Variants in SLC25A29 observed in about 807,000 individuals in gnomAD.
SLC25A29 encodes the protein mitochondrial basic amino acids transporter.
A neutral mutation model predicts 10.0 loss-of-function variants in SLC25A29; 13 were observed. The ratio of observed to expected loss-of-function variants is 1.30; its 90% CI spans 0.85 to 2.07. SLC25A29 has a LOEUF of 2.07. Among genes scored for constraint, SLC25A29 ranks in the 30% most tolerant of loss-of-function variants. The pLI, the probability that SLC25A29 is intolerant of heterozygous loss-of-function variation, is 0.00. For synonymous variants in SLC25A29, 244 were observed against 221.1 expected, an observed-to-expected ratio of 1.10 and a Z score of -0.92; for missense variants, 475 against 447.6, an observed-to-expected ratio of 1.06 and a Z score of -0.55.
chr14:100,286,476 G>GT (rs758916086), downstream of SLC25A29, among the ~76,000 whole-genome samples: 1 of 71,842 alleles, frequency 1.4e-5, no homozygotes, highest in Non-Finnish European at 3.0e-5. Flanking sequence ...TGGCTGGGGG[G>GT]GGGGGTGTTG....
At chr14:100,298,336 G>A (rs1892309658) in intron 2 of SLC25A29, 1 of 159,716 alleles carries the variant, frequency 6.3e-6, no homozygotes, top group African/African-American at 2.4e-5. Context: ...CTGGGGGTCT[G>A]AGAACCTGGA....
At chr14:100,288,909 A>G (rs2139643122), downstream of SLC25A29, among the ~76,000 whole-genome samples, 1 of 152,324 alleles carries the variant, frequency 6.6e-6, no homozygotes, top group East Asian at 1.9e-4. Context: ...CTGATTTGGA[A>G]CCTGGTCTCT....
chr14:100,299,811 T>C, intron 1 of SLC25A29: 1 of 985,454 alleles, frequency 1.0e-6, no homozygotes, highest in South Asian at 4.7e-5. Context: ...AGCTCTCCCT[T>C]TACTGCCAGT....
rs772027639 is a variant in SLC25A29 at position 100,292,885 on chromosome 14, C to T, written c.310G>A (p.Ala104Thr). ...GGGCAGCAGATGACGCACTGGATGG[C>T]GCCCGCCGCCGCACCTGCCAGGAAC... ...NQFLAGAAAGAIQCVICCPME... is the reference protein window; with the variant it reads ...NQFLAGAAAGTIQCVICCPME... The change falls in exon 4 of 4, where the codon GCC becomes ACC. Residue 104 changes from alanine to threonine, a missense_variant. By Grantham distance (58) the Ala-to-Thr change is moderately conservative (BLOSUM62 0). Coordinates refer to ENST00000359232, the MANE Select transcript of SLC25A29 (RefSeq NM_001039355.3). The T allele has an allele frequency of 6.2e-6, 10 of 1,600,668 alleles. No individual in the cohort carries two copies. Among genetic ancestry groups the T allele is most frequent in the Non-Finnish European group, 7.7e-6 (9 of 1,175,560 alleles).
Position 100,292,190 on chromosome 14 carries a change from C to G in SLC25A29, c.*93G>C, listed in dbSNP as rs1158249035. On this transcript the variant is annotated 3_prime_UTR_variant, in exon 4 of 4. Coordinates refer to ENST00000359232, the MANE Select transcript of SLC25A29 (RefSeq NM_001039355.3). ...GTCTGATAGACTCCACAGCTCGCAG[C>G]ATCCCAGCAGGAAGCAGGGCAATCG... 6.8e-7 allele frequency: 1 copy of G among 1,466,550 alleles called. No individual in the cohort carries two copies. Among genetic ancestry groups the G allele is most frequent in the Non-Finnish European group, 9.2e-7 (1 of 1,089,064 alleles). The allele number at this position is 1,466,550 out of a possible 1,614,324, so 90.8% of individuals were successfully genotyped here. A position where few individuals can be genotyped will look rare whatever the true frequency, so the allele number is the denominator to read the frequency against.
the SLC25A29 span, chr14:100,278,777 CTGT>C: frequency 6.6e-6 from 1 of 152,294 alleles, no homozygotes; most frequent in African/African-American, 2.4e-5. Flanking sequence ...AGTGAAGCAT[CTGT>C]ACCACCGCGC....
intron 2 of SLC25A29, chr14:100,294,196 G>C (rs1891984234): frequency 6.6e-6 from 1 of 152,236 alleles, no homozygotes; most frequent in African/African-American, 2.4e-5. Context: ...GAGAACAGCA[G>C]TTATGAGTTA....
chr14:100,298,618 C>T, intron 2 of SLC25A29: 2 of 606,994 alleles, frequency 3.3e-6, no homozygotes, highest in South Asian at 3.9e-5. Flanking sequence ...CACCTCGGTT[C>T]CAGCTGGCCA....
At chr14:100,303,876 C>T (rs1159740644) in intron 1 of SLC25A29, among the ~76,000 whole-genome samples, 1 of 152,134 alleles carries the variant, frequency 6.6e-6, no homozygotes, top group Non-Finnish European at 1.5e-5. Context: ...GTTACCTCTC[C>T]TCCCGGGTTC....
chr14:100,293,207 C>T, intron 3 of SLC25A29, 87 bp downstream of exon 3: 1 of 1,522,494 alleles, frequency 6.6e-7, no homozygotes, highest in Admixed American at 1.9e-5. Flanking sequence ...CACCTTCCTT[C>T]CTGGCTCTCT....
intron 1 of SLC25A29, chr14:100,299,655 G>C: frequency 4.1e-6 from 4 of 984,866 alleles, no homozygotes; most frequent in Non-Finnish European, 4.8e-6. Flanking sequence ...ATGCTGTGCA[G>C]GTGGTAACCA....
chr14:100,304,008 C>T lies in SLC25A29; in HGVS notation c.34+2191G>A, dbSNP rs905234527. ...GGGGAGAGGGGGAGGCATTCCAAAC[C>T]TTCCACCATGCAAGGCCTCAAGGAT... On this transcript the variant is annotated intron_variant, in intron 1 of 3. Transcript: ENST00000359232. 3.3e-5 allele frequency among the ~76,000 whole-genome samples: 5 copies of T among 152,320 alleles called. No homozygotes were observed. In the East Asian group the frequency reaches 9.7e-4, roughly 29 times the overall value.
At chr14:100,290,912 C>G (rs182255909), downstream of SLC25A29, among the ~76,000 whole-genome samples, 109 of 152,360 alleles carry the variant, frequency 7.2e-4, 1 homozygote, top group East Asian at 0.021. Flanking sequence ...CCAGGCTGCA[C>G]CAGCGTGTTC....
At chr14:100,301,702 G>A (rs916118059) in intron 1 of SLC25A29, among the ~76,000 whole-genome samples, 1 of 149,032 alleles carries the variant, frequency 6.7e-6, no homozygotes, top group Non-Finnish European at 1.5e-5. Flanking sequence ...GTAGAGACGG[G>A]GTTTCACCTT....
chr14:100,286,944 C>G (rs1325065752), downstream of SLC25A29, among the ~76,000 whole-genome samples: 1 of 152,238 alleles, frequency 6.6e-6, no homozygotes, highest in Non-Finnish European at 1.5e-5. Context: ...CAGGGACCCT[C>G]CCCAACTGGT....
chr14:100,282,353 G>C, the SLC25A29 span: 3 of 151,864 alleles, frequency 2.0e-5, 1 homozygote, highest in South Asian at 4.1e-4. Flanking sequence ...GCTGTGCTCT[G>C]TTCTGTCTGC....
rs1009936439 is a variant in SLC25A29, at chr14:100,306,316, A to C, written c.-84T>G. ...GGGCTGGGCGCCGTCGGGGTCCCCG[A>C]GCGCGCGGTGCCGGGGCTGGGCCTG... is the stretch of plus-strand genomic sequence containing the variant. On this transcript the variant is annotated 5_prime_UTR_variant, in exon 1 of 4. Coordinates refer to ENST00000359232, the MANE Select transcript of SLC25A29 (RefSeq NM_001039355.3). 11 of 1,268,702 alleles carry C rather than the reference A, an allele frequency of 8.7e-6. No homozygotes were observed. The highest frequency in any genetic ancestry group is 1.0e-5 in the Non-Finnish European group (10 of 1,003,164). 78.6% of individuals were successfully genotyped at this position (1,268,702 alleles called of 1,614,324 possible). A position where few individuals can be genotyped will look rare whatever the true frequency, so the allele number is the denominator to read the frequency against.
Position 100,293,006 on chromosome 14 carries a change from G to A in SLC25A29, c.189C>T (p.Gly63=), listed in dbSNP as rs1234949708. The A allele has an allele frequency of 6.3e-6, 10 of 1,578,036 alleles. No homozygotes were observed. Among genetic ancestry groups the A allele is most frequent in the Non-Finnish European group, 8.6e-6 (10 of 1,163,396 alleles). ...TGAAGGTGAGCCCCATGAGCGGCGA[G>A]CCCAGGCCCTTGTACAGGCCCAGCA... ...ESVLGLYKGL[G]SPLMGLTFIN... The change falls in exon 4 of 4, where the codon GGC becomes GGT. Residue 63 remains glycine (G), a synonymous_variant. Coordinates refer to ENST00000359232, the MANE Select transcript of SLC25A29 (RefSeq NM_001039355.3).
chr14:100,302,821 G>A (rs1021977376), intron 1 of SLC25A29, among the ~76,000 whole-genome samples: 1 of 151,792 alleles, frequency 6.6e-6, no homozygotes, highest in African/African-American at 2.4e-5. Flanking sequence ...TATTCTGTGG[G>A]AGGTCGCTGA....
Sources: allele counts gnomAD v4.1 joint callset (sites outside exome capture counted in the v4.1 genomes callset), GRCh38; gene constraint gnomAD v4.1.1; transcripts MANE v1.5; gene names NCBI Gene and HGNC (gene_info 2026-07-23, HGNC 2026-07-21).